Variants in FLRT2 observed in about 807,000 individuals in gnomAD.
FLRT2 encodes leucine-rich repeat transmembrane protein FLRT2.
In FLRT2, 15 loss-of-function variants were observed where a neutral mutation model predicts 40.0. The observed-to-expected ratio is 0.38, with a 90% CI of 0.25 to 0.58. FLRT2 has a LOEUF of 0.58. Among genes scored for constraint, FLRT2 ranks in the 20% least tolerant of loss-of-function variants. The pLI, the probability that FLRT2 is intolerant of heterozygous loss-of-function variation, is 0.71. For synonymous variants in FLRT2, 380 were observed against 336.8 expected, an observed-to-expected ratio of 1.13 and a Z score of -1.41; for missense variants, 726 against 840.0, an observed-to-expected ratio of 0.86 and a Z score of 1.68.
Position 85,640,269 on chromosome 14 carries a change from G to A in FLRT2, c.*16772G>A, listed in dbSNP as rs907993341. On this transcript the variant is annotated 3_prime_UTR_variant, in exon 2 of 2. Transcript: ENST00000330753. ...AAGGAAATCTGGAAATGGCCAACCT[G>A]AATACTTTATTTCCAAAACTGTATA... is the stretch of plus-strand genomic sequence containing the variant. The A allele has an allele frequency of 6.6e-6, 1 of 152,170 alleles. No homozygotes were observed. The highest frequency in any genetic ancestry group is 2.4e-5 in the African/African-American group (1 of 41,426). 9.4% of individuals were successfully genotyped at this position (152,170 alleles called of 1,614,324 possible). A position where few individuals can be genotyped will look rare whatever the true frequency, so the allele number is the denominator to read the frequency against.
intron 1 of FLRT2, among the ~76,000 whole-genome samples, chr14:85,588,229 CTTG>C (rs1447606152): frequency 4.6e-5 from 7 of 152,124 alleles, no homozygotes; most frequent in Admixed American, 4.6e-4. Flanking sequence ...CTCCTCACAT[CTTG>C]TTAAGTGAAA....
In FLRT2 at chr14:85,621,549, G is replaced by A. The variant is rs1893381167; in HGVS notation, c.35G>A (p.Gly12Glu). The A allele has an allele frequency of 4.3e-6, 7 of 1,613,752 alleles. No individual in the cohort carries two copies. The East Asian group carries it at 1.3e-4, about 31-fold the overall frequency. ...GLQTTKWPSH[G>E]AFFLKSWLII... ...CAGACCACAAAGTGGCCCAGCCATG[G>A]GGCTTTTTTCCTGAAGTCTTGGCTT... is the stretch of plus-strand genomic sequence containing the variant. Residue 12 changes from glycine (G) to glutamate (E), a missense_variant, in exon 2 of 2, where the codon GGG becomes GAG. Coordinates refer to ENST00000330753, the MANE Select transcript of FLRT2 (RefSeq NM_013231.6).
At chr14:85,550,118 C>T (rs1889523828) in intron 1 of FLRT2, among the ~76,000 whole-genome samples, 1 of 152,056 alleles carries the variant, frequency 6.6e-6, no homozygotes, top group Non-Finnish European at 1.5e-5. Flanking sequence ...AGGGAATTAC[C>T]CAGAGAAAGT....
chr14:85,566,774 G>GA (rs71120521), intron 1 of FLRT2, among the ~76,000 whole-genome samples: 116,479 of 143,364 alleles, frequency 0.81, 47,247 homozygotes, highest in East Asian at 0.88. Context: ...TCTTCAGCAT[G>GA]AAAAAAAAAA....
intron 1 of FLRT2, among the ~76,000 whole-genome samples, chr14:85,533,408 G>C (rs933710223): frequency 1.3e-5 from 2 of 152,012 alleles, no homozygotes; most frequent in African/African-American, 4.8e-5. Context: ...CTTGGAGCGA[G>C]CCCTGCGCCC....
chr14:85,577,950 C>T (rs986008570), intron 1 of FLRT2, among the ~76,000 whole-genome samples: 4 of 151,422 alleles, frequency 2.6e-5, no homozygotes, highest in African/African-American at 7.3e-5. Flanking sequence ...CAGACTTTGG[C>T]CTTTATTCAG....
chr14:85,598,114 G>C (rs1408229166), intron 1 of FLRT2, among the ~76,000 whole-genome samples: 1 of 152,174 alleles, frequency 6.6e-6, no homozygotes, highest in African/African-American at 2.4e-5. Context: ...CACATCTAAT[G>C]ATGAAAATAA....
At chr14:85,589,476 T>C (rs562745334) in intron 1 of FLRT2, among the ~76,000 whole-genome samples, 1 of 152,260 alleles carries the variant, frequency 6.6e-6, no homozygotes, top group South Asian at 2.1e-4. Context: ...TTTTTTCCTA[T>C]AGTCGTTTGA....
intron 1 of FLRT2, among the ~76,000 whole-genome samples, chr14:85,566,964 T>C (rs970565828): frequency 6.6e-6 from 1 of 152,140 alleles, no homozygotes; most frequent in Non-Finnish European, 1.5e-5. Flanking sequence ...TAAAAAGTAA[T>C]CAACATAGTT....
chr14:85,577,260 A>G (rs888852800), intron 1 of FLRT2, among the ~76,000 whole-genome samples: 7 of 152,316 alleles, frequency 4.6e-5, no homozygotes, highest in Admixed American at 4.6e-4. Flanking sequence ...GATTTTTCAA[A>G]AATGTATTTT....
Position 85,623,648 on chromosome 14 carries a change from A to T in FLRT2, c.*151A>T. 2 of 561,334 alleles carry T rather than the reference A, an allele frequency of 3.6e-6. No individual in the cohort carries two copies. Among genetic ancestry groups the T allele is most frequent in the Non-Finnish European group, 5.8e-6 (2 of 344,788 alleles). The allele number at this position is 561,334 out of a possible 1,614,324, so 34.8% of individuals were successfully genotyped here. A position where few individuals can be genotyped will look rare whatever the true frequency, so the allele number is the denominator to read the frequency against. On this transcript the variant is annotated 3_prime_UTR_variant, in exon 2 of 2. Coordinates refer to ENST00000330753, the MANE Select transcript of FLRT2 (RefSeq NM_013231.6). ...CTCTGTAATTTATACGGTGTACTATATAATGGGATTTAAAAAAAGTGCTAT... is the reference window on the plus strand; with the variant it reads ...CTCTGTAATTTATACGGTGTACTATTTAATGGGATTTAAAAAAAGTGCTAT...
chr14:85,608,227 ATT>A (rs58127837), intron 1 of FLRT2, among the ~76,000 whole-genome samples: 31 of 144,706 alleles, frequency 2.1e-4, no homozygotes, highest in African/African-American at 7.6e-4. Context: ...TTGATAAATG[ATT>A]TTTTTTTTTT....
At chr14:85,592,429 G>A (rs923758907) in intron 1 of FLRT2, among the ~76,000 whole-genome samples, 3 of 151,890 alleles carry the variant, frequency 2.0e-5, no homozygotes, top group Non-Finnish European at 2.9e-5. Flanking sequence ...GTAAATATAC[G>A]TCAACTCTAA....
chr14:85,591,886 G>A (rs911616697), intron 1 of FLRT2, among the ~76,000 whole-genome samples: 1 of 152,148 alleles, frequency 6.6e-6, no homozygotes, highest in Admixed American at 6.5e-5. Flanking sequence ...CATGAGCTAA[G>A]CCCTGACTCT....
At chr14:85,558,973 G>A (rs1378735352) in intron 1 of FLRT2, among the ~76,000 whole-genome samples, 1 of 152,178 alleles carries the variant, frequency 6.6e-6, no homozygotes, top group African/African-American at 2.4e-5. Flanking sequence ...TAAACGTTTA[G>A]TGTTCTAATC....
chr14:85,586,920 G>T (rs950815618), intron 1 of FLRT2, among the ~76,000 whole-genome samples: 4 of 152,250 alleles, frequency 2.6e-5, no homozygotes, highest in Admixed American at 1.3e-4. Flanking sequence ...GGTTGACGTG[G>T]AAAGATAAGC....
rs142502909 is a variant in FLRT2 at position 85,623,126 on chromosome 14, G to A, written c.1612G>A (p.Gly538Ser). 2.6e-4 allele frequency: 412 copies of A among 1,606,624 alleles called. 2 individuals are homozygous for A. In the African/African-American group the frequency reaches 4.8e-3, roughly 19 times the overall value. The change falls in exon 2 of 2, where the codon GGC (glycine) becomes AGC (serine). Residue 538 changes from glycine to serine, a missense_variant. Transcript: ENST00000330753. ...TGAGCAGACGACGTCCCACAGCATGGGCTCCCCCTTTCTGCTGGCGGGCTT... is the reference window on the plus strand; with the variant it reads ...TGAGCAGACGACGTCCCACAGCATGAGCTCCCCCTTTCTGCTGGCGGGCTT... The part of the protein sequence containing the change: ...SHEQTTSHSM[G>S]SPFLLAGLIG...
At chr14:85,578,681 T>C (rs1302475814) in intron 1 of FLRT2, among the ~76,000 whole-genome samples, 1 of 152,014 alleles carries the variant, frequency 6.6e-6, no homozygotes, top group African/African-American at 2.4e-5. Flanking sequence ...TAAGGAACTT[T>C]CTGATTTTTT....
chr14:85,569,034 A>G (rs1182536530), intron 1 of FLRT2, among the ~76,000 whole-genome samples: 1 of 152,126 alleles, frequency 6.6e-6, no homozygotes, highest in Non-Finnish European at 1.5e-5. Flanking sequence ...CTTTCATGAT[A>G]CATAGTAGCA....
Sources: gnomAD v4.1 joint callset for allele counts (sites outside exome capture counted in the v4.1 genomes callset) on GRCh38, gnomAD v4.1.1 for gene constraint, MANE v1.5 for transcripts, NCBI Gene and HGNC (gene_info 2026-07-23, HGNC 2026-07-21) for gene names.